The following CTNND2 variants were observed in gnomAD, a reference collection of about 807,000 sequenced individuals.
CTNND2 encodes the protein catenin delta-2.
A neutral mutation model predicts 144.4 loss-of-function variants in CTNND2; 22 were observed. The ratio of observed to expected loss-of-function variants is 0.15; its 90% CI spans 0.11 to 0.22. CTNND2 has a LOEUF of 0.22. CTNND2 is among the 10% of genes least tolerant of loss of function. The pLI is 1.00. For missense variants in CTNND2, 1,353 were observed against 1,618.8 expected, an observed-to-expected ratio of 0.84 and a Z score of 2.82; for synonymous variants, 751 against 695.6, an observed-to-expected ratio of 1.08 and a Z score of -1.25.
chr5:11,130,808 C>T (rs765096692), intron 12 of CTNND2, among the ~76,000 whole-genome samples: 6 of 152,094 alleles, frequency 3.9e-5, no homozygotes, highest in South Asian at 4.2e-4. Context: ...GGTCAGTGCC[C>T]GCCCTCCCTG....
chr5:11,144,501 A>G (rs7713340), intron 12 of CTNND2, among the ~76,000 whole-genome samples: 62,694 of 151,906 alleles, frequency 0.41, 14,669 homozygotes, highest in Admixed American at 0.53. Context: ...GATCTGTCAC[A>G]TGCTCTCCTT....
chr5:11,392,702 A>G (rs1581098182), intron 6 of CTNND2, among the ~76,000 whole-genome samples: 1 of 152,242 alleles, frequency 6.6e-6, no homozygotes, highest in East Asian at 1.9e-4. Flanking sequence ...TATCTTAAAA[A>G]CAAATATTCT....
At chr5:11,830,785 C>T (rs560420187) in intron 1 of CTNND2, among the ~76,000 whole-genome samples, 7 of 152,256 alleles carry the variant, frequency 4.6e-5, no homozygotes, top group Admixed American at 2.0e-4. Context: ...GGACTCCTTA[C>T]GCACCTCCAG....
chr5:11,450,044 C>A lies in CTNND2; in HGVS notation c.288-37975G>T, dbSNP rs61760345. 4.1e-4 allele frequency among the ~76,000 whole-genome samples: 63 copies of A among 152,306 alleles called. No individual in the cohort carries two copies. In the East Asian group the frequency reaches 0.011, roughly 28 times the overall value. ...TAGAATAAACTGAGTGCAAGAAAAG[C>A]CCTTTTCGGACTTAGCAAGGGCTGG... On this transcript the variant is annotated intron_variant, in intron 3 of 21. Coordinates refer to ENST00000304623, the MANE Select transcript of CTNND2 (RefSeq NM_001332.4).
intron 9 of CTNND2, among the ~76,000 whole-genome samples, chr5:11,243,835 G>A (rs1348656782): frequency 6.6e-6 from 1 of 152,160 alleles, no homozygotes; most frequent in African/African-American, 2.4e-5. Context: ...ATTGAAAAGA[G>A]TCCCAGGACA....
chr5:11,339,394 A>G (rs557544307), intron 9 of CTNND2, among the ~76,000 whole-genome samples: 1 of 152,152 alleles, frequency 6.6e-6, no homozygotes, highest in Admixed American at 6.5e-5. Context: ...CAAAAGCAGT[A>G]CCGCGGGAGG....
Position 11,904,079 on chromosome 5 carries a change from C to A in CTNND2, c.-226G>T. The A allele has an allele frequency of 4.4e-6, 1 of 225,990 alleles. No individual in the cohort carries two copies. The allele number at this position is 225,990 out of a possible 1,614,324, so 14.0% of individuals were successfully genotyped here. A position where few individuals can be genotyped will look rare whatever the true frequency, so the allele number is the denominator to read the frequency against. ...CGCCCGGCCCGGCGGCCCCTCCGAG[C>A]TCGGCGAGCGCAGCGCCCCCTGCCC... On this transcript the variant is annotated 5_prime_UTR_variant, in exon 1 of 22. Transcript: ENST00000304623. This position sits in a 1 kb window ranked among gnomAD's most constrained non-coding sequence, Gnocchi z 4.2.
chr5:11,865,644 T>C (rs930498251), intron 1 of CTNND2, among the ~76,000 whole-genome samples: 5 of 152,144 alleles, frequency 3.3e-5, no homozygotes, highest in South Asian at 2.1e-4. Flanking sequence ...GAATATGTTA[T>C]GTTCAACACA....
chr5:11,502,265 T>C (rs1173832826), intron 3 of CTNND2, among the ~76,000 whole-genome samples: 6 of 152,206 alleles, frequency 3.9e-5, no homozygotes, highest in Non-Finnish European at 8.8e-5. Context: ...GCATTTATTA[T>C]GCAACCACTA....
In CTNND2 at chr5:11,015,756, T is replaced by C. The variant is rs181418975; in HGVS notation, c.3084+2218A>G. On this transcript the variant is annotated intron_variant, in intron 18 of 21. Coordinates refer to ENST00000304623, the MANE Select transcript of CTNND2 (RefSeq NM_001332.4). ...TTTTATTTCAGGCAGTAATATTTCATTGAGCTTCTGGAGCCACTGATTCAG... is the reference window on the plus strand; with the variant it reads ...TTTTATTTCAGGCAGTAATATTTCACTGAGCTTCTGGAGCCACTGATTCAG... Among the ~76,000 whole-genome samples the C allele has an allele frequency of 1.9e-4, 29 of 152,318 alleles. No homozygotes were observed. In the East Asian group the frequency reaches 5.6e-3, roughly 29 times the overall value.
chr5:11,570,869 A>T (rs1777499465), intron 2 of CTNND2, among the ~76,000 whole-genome samples: 1 of 151,146 alleles, frequency 6.6e-6, no homozygotes, highest in African/African-American at 2.4e-5. Flanking sequence ...TTTTTCTTCA[A>T]CTCTCATTAT....
chr5:11,736,854 T>C (rs1196819302), intron 1 of CTNND2, among the ~76,000 whole-genome samples: 4 of 152,224 alleles, frequency 2.6e-5, no homozygotes, highest in Non-Finnish European at 5.9e-5. Context: ...TAATATAACT[T>C]ATTCTGTACA....
At chr5:11,680,578 C>A (rs752790568) in intron 2 of CTNND2, among the ~76,000 whole-genome samples, 1 of 152,030 alleles carries the variant, frequency 6.6e-6, no homozygotes, top group Non-Finnish European at 1.5e-5. Flanking sequence ...AGGTTTTCAG[C>A]GAGAAATTAT....
chr5:11,482,469 T>C (rs574949724), intron 3 of CTNND2, among the ~76,000 whole-genome samples: 45 of 152,288 alleles, frequency 3.0e-4, no homozygotes, highest in Admixed American at 1.1e-3. Flanking sequence ...ATGCTGACAC[T>C]GTTCTAGGTG....
intron 2 of CTNND2, among the ~76,000 whole-genome samples, chr5:11,566,390 T>C (rs1777104238): frequency 6.6e-6 from 1 of 152,222 alleles, no homozygotes; most frequent in Non-Finnish European, 1.5e-5. Context: ...ATCTAACTTC[T>C]TCTTCTCTCT....
At chr5:11,360,323 T>C (rs1232757348) in intron 8 of CTNND2, among the ~76,000 whole-genome samples, 1 of 152,142 alleles carries the variant, frequency 6.6e-6, no homozygotes, top group East Asian at 1.9e-4. Flanking sequence ...GTCTGAAGTT[T>C]TTTTTCTGGT....
intron 2 of CTNND2, among the ~76,000 whole-genome samples, chr5:11,594,567 A>G (rs990611336): frequency 6.6e-6 from 1 of 152,266 alleles, no homozygotes; most frequent in African/African-American, 2.4e-5. Context: ...TTTACAAAAT[A>G]AAAGTAGAAC....
intron 1 of CTNND2, among the ~76,000 whole-genome samples, chr5:11,807,653 T>C (rs772334912): frequency 3.3e-5 from 5 of 152,172 alleles, no homozygotes; most frequent in Non-Finnish European, 7.3e-5. Flanking sequence ...TGTGTGATCA[T>C]TACAGACTTA....
At position 11,857,731 on chromosome 5, in the gene CTNND2, T is replaced by C. The variant is rs141679508; in HGVS notation, c.37+46086A>G. Among the ~76,000 whole-genome samples the C allele has an allele frequency of 7.1e-4, 108 of 152,344 alleles. No individual in the cohort carries two copies. The East Asian group carries it at 0.011, about 15-fold the overall frequency. On this transcript the variant is annotated intron_variant, in intron 1 of 21. Coordinates refer to ENST00000304623, the MANE Select transcript of CTNND2 (RefSeq NM_001332.4). ...TGCATATTGGATCAGGGACTACCTA[T>C]GCTATTAACGAAAAAATATCTTCTC...
Sources: allele counts gnomAD v4.1 joint callset (sites outside exome capture counted in the v4.1 genomes callset), GRCh38; gene constraint gnomAD v4.1.1; non-coding constraint Gnocchi (gnomAD v3.1); transcripts MANE v1.5; gene names NCBI Gene and HGNC (gene_info 2026-07-23, HGNC 2026-07-21).